The following NRXN1 variants were observed in gnomAD, a reference collection of about 807,000 sequenced individuals.
NRXN1 encodes neurexin 1, also known as neurexin-1.
NRXN1 carries 39 observed loss-of-function variants against 150.9 expected under a neutral mutation model. The observed-to-expected ratio is 0.26, with a 90% CI of 0.20 to 0.34. NRXN1 has a LOEUF of 0.34. Ranked by LOEUF, NRXN1 falls within the 10% of genes least tolerant of loss-of-function variation. NRXN1 has a pLI of 1.00. For synonymous variants in NRXN1, 924 were observed against 757.0 expected (o/e 1.22, Z -3.62); for missense variants, 1,815 against 1,949.9 (o/e 0.93, Z 1.30).
chr2:50,107,709 T>A (rs1033013593), intron 18 of NRXN1, among the ~76,000 whole-genome samples: 1 of 151,676 alleles, frequency 6.6e-6, no homozygotes, highest in African/African-American at 2.4e-5. Context: ...CAGAAATTAC[T>A]AACGTAAAAG....
At chr2:50,392,798 T>C (rs549608048) in intron 17 of NRXN1, among the ~76,000 whole-genome samples, 1 of 152,162 alleles carries the variant, frequency 6.6e-6, no homozygotes, top group African/African-American at 2.4e-5. Context: ...GACTGCTAAC[T>C]AGATGGTTTG....
At chr2:50,649,459 T>A (rs571947101) in intron 5 of NRXN1, among the ~76,000 whole-genome samples, 3 of 151,840 alleles carry the variant, frequency 2.0e-5, no homozygotes, top group Non-Finnish European at 4.4e-5. Flanking sequence ...CTAGGGGAGG[T>A]GCAAATGAGA....
At chr2:50,766,556 T>G (rs138947669) in intron 5 of NRXN1, among the ~76,000 whole-genome samples, 289 of 152,044 alleles carry the variant, frequency 1.9e-3, no homozygotes, top group African/African-American at 6.8e-3. Context: ...GGCTGCAGGA[T>G]TTAATAAAAT....
intron 17 of NRXN1, among the ~76,000 whole-genome samples, chr2:50,272,222 G>A (rs2069779465): frequency 1.3e-5 from 2 of 152,110 alleles, no homozygotes; most frequent in Non-Finnish European, 2.9e-5. Flanking sequence ...CTCCATTTTG[G>A]TCAACCAAAG....
intron 17 of NRXN1, among the ~76,000 whole-genome samples, chr2:50,327,761 T>C (rs2076485947): frequency 6.6e-6 from 1 of 152,030 alleles, no homozygotes; most frequent in Non-Finnish European, 1.5e-5. Flanking sequence ...GGGATTCTCC[T>C]GCTTCAGCCT....
intron 5 of NRXN1, among the ~76,000 whole-genome samples, chr2:50,786,613 C>T (rs1010760708): frequency 7.2e-5 from 11 of 152,126 alleles, no homozygotes; most frequent in African/African-American, 2.7e-4. Context: ...GTAGATTATT[C>T]TTCTACCTGC....
chr2:50,834,744 C>T (rs999410493), intron 5 of NRXN1, among the ~76,000 whole-genome samples: 3 of 151,998 alleles, frequency 2.0e-5, no homozygotes, highest in African/African-American at 2.4e-5. Context: ...TCTCTGTGTG[C>T]GTATCTTAGA....
At chr2:50,990,909 A>C (rs1433877836) in intron 2 of NRXN1, among the ~76,000 whole-genome samples, 1 of 152,022 alleles carries the variant, frequency 6.6e-6, no homozygotes, top group Admixed American at 6.6e-5. Context: ...CAGAGCAAAG[A>C]ATAAAAGGAA....
At position 50,613,606 on chromosome 2, in the gene NRXN1, G is replaced by A. The variant is rs566837127; in HGVS notation, c.1320+6416C>T. Among the ~76,000 whole-genome samples, 4 of 152,256 alleles carry A rather than the reference G, an allele frequency of 2.6e-5. No homozygotes were observed. In the South Asian group the frequency reaches 8.3e-4, roughly 32 times the overall value. On this transcript the variant is annotated intron_variant, in intron 8 of 22. Transcript: ENST00000401669. ...GGGACTTCTTTGCATTTTCTCATAG[G>A]CTATTAATCTTGCGGGCATTAGCAA...
chr2:50,365,223 A>G (rs1418484754), intron 17 of NRXN1, among the ~76,000 whole-genome samples: 1 of 152,038 alleles, frequency 6.6e-6, no homozygotes, highest in Non-Finnish European at 1.5e-5. Flanking sequence ...GTTTGCTTTA[A>G]TGTTTAGGTT....
At chr2:50,984,728 G>A (rs1217748791) in intron 2 of NRXN1, among the ~76,000 whole-genome samples, 3 of 152,002 alleles carry the variant, frequency 2.0e-5, no homozygotes, top group Non-Finnish European at 2.9e-5. Context: ...CACCAGAGTT[G>A]TGCCCTTTTT....
At chr2:50,815,161 T>C (rs1400939881) in intron 5 of NRXN1, among the ~76,000 whole-genome samples, 3 of 152,114 alleles carry the variant, frequency 2.0e-5, no homozygotes, top group African/African-American at 7.2e-5. Context: ...CTTTATTGAG[T>C]AATTATGTTC....
At chr2:50,835,323 G>T (rs1671958910) in intron 5 of NRXN1, among the ~76,000 whole-genome samples, 2 of 151,968 alleles carry the variant, frequency 1.3e-5, no homozygotes, top group South Asian at 4.1e-4. Flanking sequence ...AAACTAAAAG[G>T]CCTACTAAAG....
intron 2 of NRXN1, among the ~76,000 whole-genome samples, chr2:51,003,535 C>T (rs1215607862): frequency 1.3e-5 from 2 of 151,904 alleles, no homozygotes; most frequent in Non-Finnish European, 2.9e-5. Context: ...TAGTTGTAGT[C>T]TACTTCCACA....
At chr2:50,821,914 T>A (rs570740178) in intron 5 of NRXN1, among the ~76,000 whole-genome samples, 1 of 152,054 alleles carries the variant, frequency 6.6e-6, no homozygotes, top group East Asian at 1.9e-4. Context: ...AAATGCTTCC[T>A]TTATTTATTT....
At chr2:50,698,646 A>G (rs1344248809) in intron 5 of NRXN1, among the ~76,000 whole-genome samples, 5 of 152,190 alleles carry the variant, frequency 3.3e-5, no homozygotes, top group Admixed American at 6.5e-5. Flanking sequence ...GAGGTTTTCA[A>G]TACATTTAAA....
intron 5 of NRXN1, among the ~76,000 whole-genome samples, chr2:50,626,651 C>A (rs1681136820): frequency 6.6e-6 from 1 of 151,828 alleles, no homozygotes; most frequent in East Asian, 1.9e-4. Context: ...TTTAGAGAGG[C>A]AATCTGTGAA....
chr2:50,656,272 C>G, intron 5 of NRXN1: 2 of 674,718 alleles, frequency 3.0e-6, no homozygotes, highest in Non-Finnish European at 5.5e-6. Flanking sequence ...CAAAACCCAC[C>G]CATGAGAAAT....
chr2:50,181,934 T>C (rs2060747991), intron 18 of NRXN1, among the ~76,000 whole-genome samples: 1 of 151,958 alleles, frequency 6.6e-6, no homozygotes, highest in African/African-American at 2.4e-5. Context: ...AGATAGTTTT[T>C]AAAAAGTTCC....
Sources: gnomAD v4.1 joint callset for allele counts (sites outside exome capture counted in the v4.1 genomes callset) on GRCh38, gnomAD v4.1.1 for gene constraint, MANE v1.5 for transcripts, NCBI Gene and HGNC (gene_info 2026-07-23, HGNC 2026-07-21) for gene names.